Variants in ACIN1 observed in about 807,000 individuals in gnomAD.
ACIN1 encodes the protein apoptotic chromatin condensation inducer in the nucleus.
Under a neutral mutation model 146.6 loss-of-function variants are expected in ACIN1, and 16 were observed. The ratio of observed to expected loss-of-function variants is 0.11; its 90% CI spans 0.07 to 0.17. The LOEUF is 0.17. ACIN1 is among the 10% of genes least tolerant of loss of function. ACIN1 has a pLI of 1.00. For missense variants in ACIN1, 1,357 were observed against 1,609.3 expected (o/e 0.84, Z 2.68); for synonymous variants, 569 against 582.7 (o/e 0.98, Z 0.34).
chr14:23,072,521 C>T (rs1230327154), intron 8 of ACIN1, among the ~76,000 whole-genome samples: 1 of 152,178 alleles, frequency 6.6e-6, no homozygotes, highest in Non-Finnish European at 1.5e-5. Flanking sequence ...GGAATCTTCA[C>T]TAGACCAAAG....
At chr14:23,062,139 C>G in intron 16 of ACIN1, 29 bp downstream of exon 16, 67 of 1,506,082 alleles carry the variant, frequency 4.4e-5, no homozygotes, top group Non-Finnish European at 5.8e-5. Context: ...CCCTGCCCCT[C>G]CTCTCTTTCC....
chr14:23,064,443 C>G lies in ACIN1; in HGVS notation c.2354G>C (p.Gly785Ala), dbSNP rs768779890. Residue 785 changes from glycine (G) to alanine (A), a missense_variant, in exon 11 of 19, where the codon GGC (glycine) becomes GCC (alanine). Transcript: ENST00000605057. ...VPAGNSDTEG[G>A]QPGRKRRWGA... ...CCAGCGTCGTTTCCGACCAGGCTGGCCCCCCTCTGTGTCACTGTTTCCAGC... is the reference window on the plus strand; with the variant it reads ...CCAGCGTCGTTTCCGACCAGGCTGGGCCCCCTCTGTGTCACTGTTTCCAGC... 4.3e-6 allele frequency: 7 copies of G among 1,614,132 alleles called. No individual in the cohort carries two copies. The Admixed American group carries it at 1.2e-4, about 27-fold the overall frequency.
chr14:23,088,888 A>G (rs1244561092), intron 4 of ACIN1, among the ~76,000 whole-genome samples: 1 of 152,196 alleles, frequency 6.6e-6, no homozygotes, highest in Admixed American at 6.5e-5. Flanking sequence ...TGTCATGTGA[A>G]TACTCAAAAA....
intron 4 of ACIN1, among the ~76,000 whole-genome samples, chr14:23,089,334 G>A (rs1185619620): frequency 6.6e-6 from 1 of 152,176 alleles, no homozygotes; most frequent in South Asian, 2.1e-4. Flanking sequence ...GATTAGAGGC[G>A]TGAGCGACCA....
At chr14:23,063,824 G>A (rs2047365722) in intron 12 of ACIN1, among the ~76,000 whole-genome samples, 1 of 152,168 alleles carries the variant, frequency 6.6e-6, no homozygotes, top group African/African-American at 2.4e-5. Flanking sequence ...GGTTTTGCAG[G>A]CCACATAGTT....
chr14:23,095,222 C>A (rs1285153809), upstream of ACIN1: 1 of 1,613,730 alleles, frequency 6.2e-7, no homozygotes, highest in Non-Finnish European at 8.5e-7. Flanking sequence ...ATACTCTACC[C>A]CTCGATTACC....
At chr14:23,059,512 A>G in intron 18 of ACIN1, 38 bp from the exon 19 acceptor site, 1 of 1,549,498 alleles carries the variant, frequency 6.5e-7, no homozygotes, top group Non-Finnish European at 8.9e-7. Flanking sequence ...TAGGCAGCTC[A>G]GTCCTGGTCA....
intron 5 of ACIN1, among the ~76,000 whole-genome samples, chr14:23,081,285 G>A (rs1566751478): frequency 6.6e-6 from 1 of 152,052 alleles, no homozygotes; most frequent in Non-Finnish European, 1.5e-5. Context: ...TTAAAGCTTT[G>A]ATTGAATGGT....
At position 23,081,808 on chromosome 14, in the gene ACIN1, T is replaced by C; in HGVS notation, c.465A>G (p.Lys155=). ...TTGGTTTCTCATCATCAGAGTCACC[T>C]TTCTCTTCAGAAATTGAGGAGCTTT... is the stretch of plus-strand genomic sequence containing the variant. ...PRKSSSISEE[K]GDSDDEKPRK... The change falls in exon 5 of 19, where the codon AAA becomes AAG. Residue 155 remains lysine, a synonymous_variant. Transcript: ENST00000605057. 1 of 1,612,690 alleles carries C rather than the reference T, an allele frequency of 6.2e-7. No individual in the cohort carries two copies. Among genetic ancestry groups the C allele is most frequent in the Non-Finnish European group, 8.5e-7 (1 of 1,179,870 alleles).
Position 23,058,908 on chromosome 14 carries a change from G to T in ACIN1, c.*240C>A. 1 of 549,502 alleles carries T rather than the reference G, an allele frequency of 1.8e-6. No individual in the cohort carries two copies. 34.0% of individuals were successfully genotyped at this position (549,502 alleles called of 1,614,324 possible). ...GCCAACCACCTCCTTGCCTAACCTA[G>T]CTCTTGCCTCTCAGACTTAATGGGA... On this transcript the variant is annotated 3_prime_UTR_variant, in exon 19 of 19. Transcript: ENST00000605057.
In ACIN1 at chr14:23,067,241, T is replaced by TA; in HGVS notation, c.2266-1234dup. On this transcript the variant is annotated intron_variant, in intron 9 of 18. Transcript: ENST00000605057. The surrounding 1 kb of genome is among the most constrained non-coding windows in gnomAD (Gnocchi z 4.6). The stretch of plus-strand genomic sequence containing the variant: ...TATAGAAAAAAATAAAATAAAATAT[T>TA]AAAAAAAGAAGAAGAAAATAAAGAA... The TA allele has an allele frequency of 2.3e-6, 2 of 885,642 alleles. No homozygotes were observed. Among genetic ancestry groups the TA allele is most frequent in the Non-Finnish European group, 2.7e-6 (2 of 739,566 alleles). The allele number at this position is 885,642 out of a possible 1,614,324, so 54.9% of individuals were successfully genotyped here. A position where few individuals can be genotyped will look rare whatever the true frequency, so the allele number is the denominator to read the frequency against.
intron 2 of ACIN1, among the ~76,000 whole-genome samples, chr14:23,092,778 T>C (rs921520941): frequency 3.3e-5 from 5 of 152,206 alleles, no homozygotes; most frequent in African/African-American, 9.6e-5. Context: ...AGTTAAAAAG[T>C]AGATCTAATC....
In ACIN1 at chr14:23,066,076, G is replaced by A. The variant is rs997596903; in HGVS notation, c.2266-68C>T. ...CACCCCACAGAGAGGGGGGAAGGAGGTTAGATGGGGCAGTCTTAGCTTAGC... is the reference window on the plus strand; with the variant it reads ...CACCCCACAGAGAGGGGGGAAGGAGATTAGATGGGGCAGTCTTAGCTTAGC... On this transcript the variant is annotated intron_variant, in intron 9 of 18. Transcript: ENST00000605057. 2.8e-5 allele frequency: 36 copies of A among 1,303,172 alleles called. No individual in the cohort carries two copies. In the African/African-American group the frequency reaches 3.9e-4, roughly 14 times the overall value. The allele number at this position is 1,303,172 out of a possible 1,614,324, so 80.7% of individuals were successfully genotyped here.
intron 4 of ACIN1, among the ~76,000 whole-genome samples, chr14:23,085,973 A>G (rs2048081709): frequency 6.6e-6 from 1 of 152,266 alleles, no homozygotes; most frequent in South Asian, 2.1e-4. Flanking sequence ...GGATATATTA[A>G]AGTGCAGAAT....
At chr14:23,093,201 T>G (rs2048271704) in intron 2 of ACIN1, among the ~76,000 whole-genome samples, 1 of 152,222 alleles carries the variant, frequency 6.6e-6, no homozygotes, top group Non-Finnish European at 1.5e-5. Flanking sequence ...TGACTTCAGA[T>G]CTCTGTACTA....
chr14:23,062,393 T>C lies in ACIN1; in HGVS notation c.2991+23A>G, dbSNP rs773426350. On this transcript the variant is annotated intron_variant, in intron 15 of 18. Coordinates refer to ENST00000605057, the MANE Select transcript of ACIN1 (RefSeq NM_001386863.1). The stretch of plus-strand genomic sequence containing the variant: ...AAAAGGAAATATATGCCATGACCTA[T>C]AGAATCAGCTTCTTCCCCTCACCGT... 22 of 1,612,352 alleles carry C rather than the reference T, an allele frequency of 1.4e-5. No individual in the cohort carries two copies. The East Asian group carries it at 3.3e-4, about 24-fold the overall frequency.
In ACIN1 at chr14:23,068,998, G is replaced by C. The variant is rs2047543559; in HGVS notation, c.2265+478C>G. 1.0e-6 allele frequency: 1 copy of C among 985,790 alleles called. No individual in the cohort carries two copies. The highest frequency in any genetic ancestry group is 6.1e-5 in the Admixed American group (1 of 16,278). 61.1% of individuals were successfully genotyped at this position (985,790 alleles called of 1,614,324 possible). ...GATCACAAGTGCTGGCTTCTAAGTA[G>C]CTACATCTCTGCAGTCAGACCACTG... On this transcript the variant is annotated intron_variant, in intron 9 of 18. Coordinates refer to ENST00000605057, the MANE Select transcript of ACIN1 (RefSeq NM_001386863.1). This position sits in a 1 kb window ranked among gnomAD's most constrained non-coding sequence, Gnocchi z 4.3.
At chr14:23,073,839 C>CT (rs530712203) in intron 8 of ACIN1, among the ~76,000 whole-genome samples, 4,984 of 135,806 alleles carry the variant, frequency 0.037, 281 homozygotes, top group African/African-American at 0.11. Flanking sequence ...TTGAAAATTC[C>CT]TTTTTTTTTT....
At chr14:23,064,944 T>C (rs926989684) in intron 10 of ACIN1, among the ~76,000 whole-genome samples, 1 of 150,170 alleles carries the variant, frequency 6.7e-6, no homozygotes, top group Non-Finnish European at 1.5e-5. Flanking sequence ...GGGGAAACCA[T>C]GGCTTCAGAC....
Sources: allele counts gnomAD v4.1 joint callset (sites outside exome capture counted in the v4.1 genomes callset), GRCh38; gene constraint gnomAD v4.1.1; non-coding constraint Gnocchi (gnomAD v3.1); transcripts MANE v1.5; gene names NCBI Gene and HGNC (gene_info 2026-07-23, HGNC 2026-07-21).